SPNS3: variants seen among roughly 807,000 people sequenced by gnomAD.
SPNS3 encodes the protein protein spinster homolog 3.
In SPNS3, 51 loss-of-function variants were observed where a neutral mutation model predicts 54.4. The observed-to-expected ratio is 0.94, with a 90% CI of 0.75 to 1.18. The LOEUF (loss-of-function observed/expected upper bound fraction) is 1.18, where lower values mean the gene tolerates loss of function less well. Ranked by LOEUF, SPNS3 falls within the 50% of genes most tolerant of loss-of-function variation. SPNS3 has a pLI of 0.00. For synonymous variants in SPNS3, 309 were observed against 294.7 expected (o/e 1.05, Z -0.50); for missense variants, 669 against 677.4 (o/e 0.99, Z 0.14).
intron 7 of SPNS3, among the ~76,000 whole-genome samples, chr17:4,450,868 G>A (rs950348772): frequency 4.7e-5 from 7 of 149,192 alleles, no homozygotes; most frequent in African/African-American, 1.5e-4. Context: ...TCAGCCTCCC[G>A]AAGTGCTGGA....
At chr17:4,480,493 C>G (rs545807303) in intron 9 of SPNS3, among the ~76,000 whole-genome samples, 1 of 152,322 alleles carries the variant, frequency 6.6e-6, no homozygotes, top group South Asian at 2.1e-4. Context: ...CTGCACCTGC[C>G]CCCACAGCTT....
intron 8 of SPNS3, among the ~76,000 whole-genome samples, chr17:4,476,155 CTG>C (rs1971992997): frequency 6.6e-6 from 1 of 152,232 alleles, no homozygotes; most frequent in Non-Finnish European, 1.5e-5. Context: ...CCCCGGGAGA[CTG>C]TAATTACAGG....
intron 1 of SPNS3, among the ~76,000 whole-genome samples, chr17:4,436,161 C>T (rs994774299): frequency 2.9e-4 from 44 of 152,090 alleles, no homozygotes; most frequent in African/African-American, 1.0e-3. Flanking sequence ...CGGAGAGGTG[C>T]GGCCAGACAA....
chr17:4,439,566 C>T, intron 1 of SPNS3, 92 bp from the exon 2 acceptor site: 2 of 1,160,540 alleles, frequency 1.7e-6, no homozygotes, highest in Non-Finnish European at 2.5e-6. Flanking sequence ...CTGTGCTGGT[C>T]AGCTGTGGCC....
At chr17:4,473,066 G>C (rs769693994) in intron 8 of SPNS3, among the ~76,000 whole-genome samples, 1 of 151,980 alleles carries the variant, frequency 6.6e-6, no homozygotes, top group Non-Finnish European at 1.5e-5. Flanking sequence ...TGGGATTATA[G>C]GTGTGAGCCA....
At chr17:4,437,536 G>A (rs1257438310) in intron 1 of SPNS3, among the ~76,000 whole-genome samples, 1 of 151,646 alleles carries the variant, frequency 6.6e-6, no homozygotes. Context: ...GCGTGATGGC[G>A]GGCACCTGTA....
chr17:4,439,865 C>T (rs1187376152), intron 2 of SPNS3, 142 bp downstream of exon 2: 2 of 709,680 alleles, frequency 2.8e-6, no homozygotes, highest in African/African-American at 3.6e-5. Flanking sequence ...GCCTGAGGGA[C>T]AGTCTAGGCA....
At chr17:4,459,601 T>A (rs1369618183) in intron 8 of SPNS3, among the ~76,000 whole-genome samples, 2 of 152,116 alleles carry the variant, frequency 1.3e-5, no homozygotes, top group African/African-American at 4.8e-5. Context: ...TGGTCTCAGC[T>A]ACTGGGGAGG....
At chr17:4,444,440 C>T (rs1440906433) in intron 2 of SPNS3, among the ~76,000 whole-genome samples, 1 of 151,636 alleles carries the variant, frequency 6.6e-6, no homozygotes, top group Non-Finnish European at 1.5e-5. Context: ...CCAGGCTGGT[C>T]TTAAACTCCT....
intron 9 of SPNS3, among the ~76,000 whole-genome samples, chr17:4,480,838 C>G (rs1009804016): frequency 6.6e-6 from 1 of 151,508 alleles, no homozygotes; most frequent in African/African-American, 2.4e-5. Flanking sequence ...ACCACCATCC[C>G]AGAGCCTCCC....
At chr17:4,466,039 C>T (rs1489613899) in intron 8 of SPNS3, among the ~76,000 whole-genome samples, 2 of 152,194 alleles carry the variant, frequency 1.3e-5, no homozygotes, top group Non-Finnish European at 2.9e-5. Flanking sequence ...GCTGAGGGAG[C>T]AGGTGTGCTT....
At chr17:4,478,462 A>C (rs1567574983) in intron 8 of SPNS3, 110 bp from the exon 9 acceptor site, 1 of 952,368 alleles carries the variant, frequency 1.1e-6, no homozygotes, top group Non-Finnish European at 1.6e-6. Flanking sequence ...AGTCTCAATA[A>C]TGCCTTTCTC....
intron 8 of SPNS3, among the ~76,000 whole-genome samples, chr17:4,469,036 C>T (rs1466874404): frequency 6.6e-6 from 1 of 151,986 alleles, no homozygotes; most frequent in African/African-American, 2.4e-5. Context: ...GATCTGCCCA[C>T]CTCAGCCTCC....
At chr17:4,464,738 T>G (rs1273241269) in intron 8 of SPNS3, among the ~76,000 whole-genome samples, 1 of 152,164 alleles carries the variant, frequency 6.6e-6, no homozygotes, top group Non-Finnish European at 1.5e-5. Context: ...TGGAGTGCAG[T>G]GGCGCAATCT....
chr17:4,441,567 T>G (rs768518856), intron 2 of SPNS3, among the ~76,000 whole-genome samples: 1 of 152,146 alleles, frequency 6.6e-6, no homozygotes, highest in Non-Finnish European at 1.5e-5. Context: ...AATGGTGGTT[T>G]AGTCAACATT....
At chr17:4,455,960 A>C (rs752850807) in intron 8 of SPNS3, among the ~76,000 whole-genome samples, 5 of 151,966 alleles carry the variant, frequency 3.3e-5, no homozygotes, top group Non-Finnish European at 7.4e-5. Flanking sequence ...ACTCAGCTTA[A>C]GAGTAGAACT....
chr17:4,453,153 C>T lies in SPNS3; in HGVS notation c.1061C>T (p.Pro354Leu). The T allele has an allele frequency of 6.2e-7, 1 of 1,614,014 alleles. No individual in the cohort carries two copies. Among genetic ancestry groups the T allele is most frequent in the Admixed American group, 1.7e-5 (1 of 60,004 alleles). ...GCCTCCAGCCTGCTTGCCACAGCCC[C>T]CTGCCTCTACCTGGCTCTCGTCCTG... ...ICASSLLATA[P>L]CLYLALVLAP... Residue 354 changes from proline to leucine, a missense_variant, in exon 8 of 12, where the codon CCC becomes CTC. Coordinates refer to ENST00000355530, the MANE Select transcript of SPNS3 (RefSeq NM_182538.5).
intron 2 of SPNS3, among the ~76,000 whole-genome samples, chr17:4,443,436 C>A (rs1342786510): frequency 3.3e-5 from 5 of 152,198 alleles, no homozygotes; most frequent in African/African-American, 1.2e-4. Flanking sequence ...ATAACACTTG[C>A]CCCTCCAGAA....
At chr17:4,458,599 T>TCC (rs1971395353) in intron 8 of SPNS3, among the ~76,000 whole-genome samples, 1 of 91,144 alleles carries the variant, frequency 1.1e-5, no homozygotes, top group Non-Finnish European at 2.2e-5. Flanking sequence ...CTTTCTTTCT[T>TCC]TCTTTCTTTC....
Sources: gnomAD v4.1 joint callset for allele counts (sites outside exome capture counted in the v4.1 genomes callset) on GRCh38, gnomAD v4.1.1 for gene constraint, MANE v1.5 for transcripts, NCBI Gene and HGNC (gene_info 2026-07-23, HGNC 2026-07-21) for gene names.